MTOR: variants seen among roughly 807,000 people sequenced by gnomAD.
MTOR encodes serine/threonine-protein kinase mTOR.
Under a neutral mutation model 319.8 loss-of-function variants are expected in MTOR, and 70 were observed. That is an observed-to-expected ratio of 0.22 (90% CI 0.18 to 0.27). The LOEUF (loss-of-function observed/expected upper bound fraction) is 0.27, where lower values mean the gene tolerates loss of function less well. Ranked by LOEUF, MTOR falls within the 10% of genes least tolerant of loss-of-function variation. MTOR has a pLI of 1.00. For missense variants in MTOR, 1,890 were observed against 3,274.4 expected (o/e 0.58, Z 10.32); for synonymous variants, 1,183 against 1,211.4 (o/e 0.98, Z 0.49).
chr1:11,121,929 A>T lies in MTOR; in HGVS notation c.6810+50T>A, dbSNP rs1183673035. On this transcript the variant is annotated intron_variant, in intron 48 of 57. Transcript: ENST00000361445. The surrounding 1 kb of genome is among the most constrained non-coding windows in gnomAD (Gnocchi z 4.9). The stretch of plus-strand genomic sequence containing the variant: ...AGGAATGAGAAAAGCAGCGCTACGG[A>T]GATTCCCTGCCACGGAAGGGGCACT... The T allele has an allele frequency of 6.2e-7, 1 of 1,605,510 alleles. No homozygotes were observed. Among genetic ancestry groups the T allele is most frequent in the Non-Finnish European group, 8.5e-7 (1 of 1,174,456 alleles).
In MTOR at chr1:11,243,265, G is replaced by A; in HGVS notation, c.1261C>T (p.Leu421=). The change falls in exon 9 of 58, where the codon CTA becomes TTA. Residue 421 remains leucine, a synonymous_variant. Transcript: ENST00000361445. ...TCCTTCTCCTTCTTGACACAGCTTA[G>A]GACATGGTTCATGGTATCTTGGAGA... ...QYLQDTMNHV[L]SCVKKEKERT... is the part of the protein sequence containing the mutation. The A allele has an allele frequency of 6.2e-7, 1 of 1,614,198 alleles. No homozygotes were observed. Among genetic ancestry groups the A allele is most frequent in the South Asian group, 1.1e-5 (1 of 91,092 alleles).
intron 26 of MTOR, among the ~76,000 whole-genome samples, chr1:11,203,620 C>T (rs1646048670): frequency 6.6e-6 from 1 of 152,160 alleles, no homozygotes; most frequent in Non-Finnish European, 1.5e-5. Flanking sequence ...TGCAGTGAGC[C>T]ACAACTGTGC....
At chr1:11,260,193 C>A (rs1650936000) in intron 1 of MTOR, among the ~76,000 whole-genome samples, 1 of 152,136 alleles carries the variant, frequency 6.6e-6, no homozygotes, top group Admixed American at 6.6e-5. Flanking sequence ...TAAGACTGCC[C>A]CTTTCCTCAA....
At chr1:11,204,141 G>C (rs187834548) in intron 26 of MTOR, among the ~76,000 whole-genome samples, 6 of 152,326 alleles carry the variant, frequency 3.9e-5, no homozygotes, top group Admixed American at 2.0e-4. Flanking sequence ...GTGGAGCAGA[G>C]GCGAGCTGTC....
intron 5 of MTOR, among the ~76,000 whole-genome samples, chr1:11,254,968 T>C (rs1650171540): frequency 6.6e-6 from 1 of 152,138 alleles, no homozygotes; most frequent in Non-Finnish European, 1.5e-5. Flanking sequence ...TCCCACATGC[T>C]GCCCAGGCTG....
At chr1:11,223,746 A>G (rs1569645584) in intron 19 of MTOR, among the ~76,000 whole-genome samples, 1 of 152,146 alleles carries the variant, frequency 6.6e-6, no homozygotes, top group African/African-American at 2.4e-5. Flanking sequence ...TGGTGGAAAT[A>G]AACGCAAACA....
Position 11,256,139 on chromosome 1 carries a change from T to C in MTOR, c.558A>G (p.Gln186=). 1 of 1,614,158 alleles carries C rather than the reference T, an allele frequency of 6.2e-7. No homozygotes were observed. Among genetic ancestry groups the C allele is most frequent in the Non-Finnish European group, 8.5e-7 (1 of 1,180,024 alleles). The change falls in exon 5 of 58, where the codon CAA becomes CAG. Residue 186 remains glutamine, a synonymous_variant. Transcript: ENST00000361445. ...AISVPTFFFQ[Q]VQPFFDNIFV... ...AAATGTTGTCAAAGAAGGGTTGCACTTGCTGGAAGAAGAAGGTAGGGACGC... is the reference window on the plus strand; with the variant it reads ...AAATGTTGTCAAAGAAGGGTTGCACCTGCTGGAAGAAGAAGGTAGGGACGC...
At chr1:11,188,928 A>T (rs1557820601) in intron 28 of MTOR, among the ~76,000 whole-genome samples, 1 of 152,178 alleles carries the variant, frequency 6.6e-6, no homozygotes, top group Non-Finnish European at 1.5e-5. Context: ...AATATACCAG[A>T]TCCTCATATA....
At chr1:11,231,225 T>TTAATGCTGC in intron 17 of MTOR, 75 bp downstream of exon 17, 1 of 1,598,944 alleles carries the variant, frequency 6.3e-7, no homozygotes, top group Non-Finnish European at 8.5e-7. Context: ...TCAGAGCATG[T>TTAATGCTGC]TAATGCTGCA....
chr1:11,247,850 C>T lies in MTOR; in HGVS notation c.1085G>A (p.Cys362Tyr). 6.2e-7 allele frequency: 1 copy of T among 1,613,914 alleles called. No homozygotes were observed. The highest frequency in any genetic ancestry group is 8.5e-7 in the Non-Finnish European group (1 of 1,179,844). The change falls in exon 7 of 58, where the codon TGC (cysteine) becomes TAC (tyrosine). Residue 362 changes from cysteine (C) to tyrosine (Y), a missense_variant. By Grantham distance (194) the Cys-to-Tyr change is radical. Coordinates refer to ENST00000361445, the MANE Select transcript of MTOR (RefSeq NM_004958.4). Reference protein sequence around the residue: ...AKSTLVESRCCRDLMEEKFDQ... With the variant: ...AKSTLVESRCYRDLMEEKFDQ... ...AAATTTCTCCTCCATCAAGTCTCTG[C>T]AACACCGGCTCTCCACCAGGGTGGA...
chr1:11,206,671 C>T (rs182318191), intron 25 of MTOR, among the ~76,000 whole-genome samples: 48 of 152,302 alleles, frequency 3.2e-4, no homozygotes, highest in African/African-American at 1.1e-3. Context: ...CCCCATGTGG[C>T]CCTTTCCCCC....
At chr1:11,257,577 A>C (rs925567196) in intron 3 of MTOR, among the ~76,000 whole-genome samples, 1 of 150,710 alleles carries the variant, frequency 6.6e-6, no homozygotes, top group Non-Finnish European at 1.5e-5. Context: ...AAAAAAAAAA[A>C]AAAAAAAAAA....
At chr1:11,188,465 G>A (rs1034275556) in intron 28 of MTOR, among the ~76,000 whole-genome samples, 1 of 152,184 alleles carries the variant, frequency 6.6e-6, no homozygotes, top group Admixed American at 6.5e-5. Context: ...TTTATTAGGT[G>A]ACAGGGATTC....
intron 8 of MTOR, among the ~76,000 whole-genome samples, chr1:11,243,903 A>G (rs907004357): frequency 5.3e-5 from 8 of 152,146 alleles, no homozygotes; most frequent in South Asian, 4.1e-4. Flanking sequence ...TCACACATGT[A>G]ATCCCAGCAC....
intron 13 of MTOR, among the ~76,000 whole-genome samples, chr1:11,237,204 G>A (rs1647325055): frequency 6.6e-6 from 1 of 152,022 alleles, no homozygotes. Context: ...GGCAGGACTG[G>A]TGTATTGGCA....
In MTOR at chr1:11,107,457, A is replaced by T. The variant is rs781267576; in HGVS notation, c.*28T>A. ...ACTAAAGTACAAAAGCCTCAGAAAAAACGTGATGGGCACATCTGGGCCTCC... is the reference window on the plus strand; with the variant it reads ...ACTAAAGTACAAAAGCCTCAGAAAATACGTGATGGGCACATCTGGGCCTCC... On this transcript the variant is annotated 3_prime_UTR_variant, in exon 58 of 58. Transcript: ENST00000361445. 23 of 1,605,852 alleles carry T rather than the reference A, an allele frequency of 1.4e-5. No individual in the cohort carries two copies. The Admixed American group carries it at 3.8e-4, about 27-fold the overall frequency.
At chr1:11,241,130 G>C (rs987438231) in intron 10 of MTOR, among the ~76,000 whole-genome samples, 6 of 151,740 alleles carry the variant, frequency 4.0e-5, no homozygotes, top group Admixed American at 3.9e-4. Context: ...GACCATCCTG[G>C]CTAACACACT....
chr1:11,114,777 C>T (rs374152262), intron 52 of MTOR, 36 bp downstream of exon 52: 5 of 1,597,620 alleles, frequency 3.1e-6, no homozygotes, highest in South Asian at 1.1e-5. Context: ...TGTCCTGATC[C>T]CATTTGGAAG....
chr1:11,119,916 C>T (rs1033193435), intron 49 of MTOR, among the ~76,000 whole-genome samples: 7 of 151,674 alleles, frequency 4.6e-5, no homozygotes, highest in African/African-American at 1.5e-4. Flanking sequence ...CCAAAATCTG[C>T]AATACTCAAG....
Sources: gnomAD v4.1 joint callset for allele counts (sites outside exome capture counted in the v4.1 genomes callset) on GRCh38, gnomAD v4.1.1 for gene constraint, Gnocchi (gnomAD v3.1) non-coding constraint, MANE v1.5 for transcripts, NCBI Gene and HGNC (gene_info 2026-07-23, HGNC 2026-07-21) for gene names.